Variants in DCDC1 observed in about 807,000 individuals in gnomAD.
DCDC1 encodes doublecortin domain containing 1.
DCDC1 carries 200 observed loss-of-function variants against 178.3 expected under a neutral mutation model. The observed-to-expected ratio is 1.12, with a 90% CI of 1.00 to 1.26. The LOEUF (loss-of-function observed/expected upper bound fraction) is 1.26. DCDC1 is among the 50% of genes most tolerant of loss of function. The pLI, the probability that DCDC1 is intolerant of heterozygous loss-of-function variation, is 0.00. For synonymous variants in DCDC1, 690 were observed against 604.8 expected, an observed-to-expected ratio of 1.14 and a Z score of -2.07; for missense variants, 1,983 against 1,749.2, an observed-to-expected ratio of 1.13 and a Z score of -2.38.
chr11:31,263,067 T>C (rs769412097), intron 8 of DCDC1: 2 of 1,612,916 alleles, frequency 1.2e-6, no homozygotes, highest in Admixed American at 1.7e-5. Context: ...TCAGAGTCAG[T>C]GCTTTCCTGT....
chr11:31,028,428 A>G (rs1269075247), intron 20 of DCDC1, among the ~76,000 whole-genome samples: 2 of 151,954 alleles, frequency 1.3e-5, no homozygotes, highest in Non-Finnish European at 2.9e-5. Flanking sequence ...TGCACTCCCT[A>G]TCAAATACGC....
At position 31,357,209 on chromosome 11, in the gene DCDC1, T is replaced by C. The variant is rs1475248113; in HGVS notation, c.-125+12488A>G. On this transcript the variant is annotated intron_variant, in intron 1 of 38. Coordinates refer to ENST00000684477, the MANE Select transcript of DCDC1 (RefSeq NM_001387274.1). ...CTCAATAAAATACTGGCAAACTGAA[T>C]CCAGCAGCACATCAAAAAGCTTATC... Among the ~76,000 whole-genome samples the C allele has an allele frequency of 2.0e-5, 3 of 152,112 alleles. No homozygotes were observed. The Middle Eastern group carries it at 0.01, about 517-fold the overall frequency.
At chr11:31,342,150 C>T (rs1950586836) in intron 1 of DCDC1, among the ~76,000 whole-genome samples, 1 of 152,300 alleles carries the variant, frequency 6.6e-6, no homozygotes, top group South Asian at 2.1e-4. Context: ...CGACAGTTAA[C>T]ACCTAAGGTT....
At chr11:31,232,067 G>C (rs139329924) in intron 9 of DCDC1, among the ~76,000 whole-genome samples, 10 of 152,172 alleles carry the variant, frequency 6.6e-5, no homozygotes, top group African/African-American at 2.4e-4. Context: ...ATTCAAAATA[G>C]GCCACAAATT....
chr11:31,333,482 T>C (rs1950108656), intron 2 of DCDC1, among the ~76,000 whole-genome samples: 1 of 152,216 alleles, frequency 6.6e-6, no homozygotes, highest in Admixed American at 6.5e-5. Context: ...ATCAGTGGTC[T>C]TTACAATTTG....
chr11:30,915,433 G>A lies in DCDC1; in HGVS notation c.3653+78C>T, dbSNP rs1945762095. On this transcript the variant is annotated intron_variant, in intron 27 of 38. Coordinates refer to ENST00000684477, the MANE Select transcript of DCDC1 (RefSeq NM_001387274.1). ...AGAATTCTCAGATATAGTTCATCTTGTTCTGTGGGGACCATGCTAGACTTA... is the reference window on the plus strand; with the variant it reads ...AGAATTCTCAGATATAGTTCATCTTATTCTGTGGGGACCATGCTAGACTTA... 6.7e-6 allele frequency: 10 copies of A among 1,488,764 alleles called. No individual in the cohort carries two copies. The Admixed American group carries it at 1.6e-4, about 23-fold the overall frequency. The allele number at this position is 1,488,764 out of a possible 1,614,324, so 92.2% of individuals were successfully genotyped here. A position where few individuals can be genotyped will look rare whatever the true frequency, so the allele number is the denominator to read the frequency against.
At chr11:30,978,805 CA>C (rs1950236138) in intron 20 of DCDC1, among the ~76,000 whole-genome samples, 1 of 149,838 alleles carries the variant, frequency 6.7e-6, no homozygotes, top group Admixed American at 6.7e-5. Flanking sequence ...CACACACACA[CA>C]CACACACACA....
chr11:31,238,544 C>T (rs1565481730), intron 9 of DCDC1, among the ~76,000 whole-genome samples: 1 of 152,068 alleles, frequency 6.6e-6, no homozygotes, highest in Non-Finnish European at 1.5e-5. Flanking sequence ...CACGTTCCTT[C>T]CACAGCAGTG....
chr11:30,947,332 T>C (rs1948113367), intron 21 of DCDC1, among the ~76,000 whole-genome samples: 1 of 152,136 alleles, frequency 6.6e-6, no homozygotes. Flanking sequence ...AAAGCTATAG[T>C]AACCAAAATA....
chr11:30,986,459 A>C (rs930619587), intron 20 of DCDC1, among the ~76,000 whole-genome samples: 3 of 151,748 alleles, frequency 2.0e-5, no homozygotes, highest in African/African-American at 7.3e-5. Flanking sequence ...CAGCCTCCCA[A>C]TTAGCTGGGA....
intron 1 of DCDC1, among the ~76,000 whole-genome samples, chr11:31,351,544 GAA>G (rs754939824): frequency 1.3e-5 from 2 of 152,100 alleles, no homozygotes; most frequent in Non-Finnish European, 2.9e-5. Flanking sequence ...AGCAGGCTCA[GAA>G]AAGTTTGTAA....
intron 10 of DCDC1, among the ~76,000 whole-genome samples, chr11:31,136,974 G>A (rs1963209092): frequency 6.6e-6 from 1 of 152,096 alleles, no homozygotes; most frequent in African/African-American, 2.4e-5. Context: ...AACTTTGTTA[G>A]TATTTCTAAA....
intron 20 of DCDC1, among the ~76,000 whole-genome samples, chr11:31,009,641 C>T (rs771964893): frequency 5.9e-5 from 9 of 152,134 alleles, no homozygotes; most frequent in Non-Finnish European, 1.3e-4. Flanking sequence ...CCCACTCAAC[C>T]AGTCAGGCAG....
Position 30,905,119 on chromosome 11 carries a change from G to A in DCDC1, c.4150C>T (p.Gln1384Ter). The A allele has an allele frequency of 1.2e-6, 2 of 1,612,210 alleles. No homozygotes were observed. The highest frequency in any genetic ancestry group is 1.7e-6 in the Non-Finnish European group (2 of 1,178,942). Residue 1384 changes from glutamine to a stop codon, truncating the protein, a stop_gained, in exon 31 of 39, where the codon CAA becomes TAA. Transcript: ENST00000684477. LOFTEE classifies it high-confidence loss of function. ...ATCCGTAAAGACAATAGACGTGCTT[G>A]GTAGTAACTTAGAGTTTTTTCAGCC... ...DKAEKTLSYY[Q>*]ARLLSLRMKT...
In DCDC1 at chr11:31,235,665, A is replaced by G. The variant is rs1444575878; in HGVS notation, c.1221+5785T>C. Among the ~76,000 whole-genome samples the G allele has an allele frequency of 2.0e-5, 3 of 152,022 alleles. No individual in the cohort carries two copies. The South Asian group carries it at 6.2e-4, about 31-fold the overall frequency. ...ATTTTTAATATGTTGATAAAGATGG[A>G]GACATATTCCTAGATGATCCCCAAA... On this transcript the variant is annotated intron_variant, in intron 9 of 38. Transcript: ENST00000684477.
chr11:31,216,362 C>T (rs1273621168), intron 9 of DCDC1, among the ~76,000 whole-genome samples: 1 of 152,008 alleles, frequency 6.6e-6, no homozygotes, highest in Non-Finnish European at 1.5e-5. Context: ...GCTGTAAAAG[C>T]TTATAGCAGT....
chr11:31,306,377 A>C lies in DCDC1; in HGVS notation c.446T>G (p.Phe149Cys). The C allele has an allele frequency of 6.2e-7, 1 of 1,606,136 alleles. No individual in the cohort carries two copies. The highest frequency in any genetic ancestry group is 8.5e-7 in the Non-Finnish European group (1 of 1,177,034). ...GGCTGACTGAAATTTTAAAGAAGAGAACTCTGCAACCCTGAAGAAAAAGAA... is the reference window on the plus strand; with the variant it reads ...GGCTGACTGAAATTTTAAAGAAGAGCACTCTGCAACCCTGAAGAAAAAGAA... ...APVGQLRVAE[F>C]SSLKFQSARN... The change falls in exon 5 of 39, where the codon TTC becomes TGC. Residue 149 changes from phenylalanine (F) to cysteine (C), a missense_variant. Phe to Cys is a radical substitution (Grantham distance 205). Transcript: ENST00000684477.
intron 8 of DCDC1, among the ~76,000 whole-genome samples, chr11:31,252,577 GA>G (rs1367305705): frequency 6.6e-6 from 1 of 151,974 alleles, no homozygotes; most frequent in Non-Finnish European, 1.5e-5. Flanking sequence ...GATTGACCTG[GA>G]AAACTGTGTA....
At chr11:31,128,622 T>C (rs1041118024) in intron 10 of DCDC1, among the ~76,000 whole-genome samples, 8 of 152,270 alleles carry the variant, frequency 5.3e-5, no homozygotes, top group African/African-American at 1.9e-4. Flanking sequence ...TAAGTTTGAA[T>C]AGAGCATTGA....
Sources: gnomAD v4.1 joint callset for allele counts (sites outside exome capture counted in the v4.1 genomes callset) on GRCh38, gnomAD v4.1.1 for gene constraint, MANE v1.5 for transcripts, NCBI Gene and HGNC (gene_info 2026-07-23, HGNC 2026-07-21) for gene names.